GALNT2: variants seen among roughly 807,000 people sequenced by gnomAD.
The protein encoded by GALNT2 is polypeptide N-acetylgalactosaminyltransferase 2.
A neutral mutation model predicts 81.4 loss-of-function variants in GALNT2; 31 were observed. That is an observed-to-expected ratio of 0.38 (90% CI 0.29 to 0.51). The LOEUF is 0.51. Among genes scored for constraint, GALNT2 ranks in the 20% least tolerant of loss-of-function variants. The probability of loss-of-function intolerance (pLI) is 0.87; values close to 1 mark genes in which losing one functional copy is unlikely to be tolerated. For missense variants in GALNT2, 629 were observed against 765.7 expected (o/e 0.82, Z 2.11); for synonymous variants, 303 against 287.4 (o/e 1.05, Z -0.55).
At chr1:230,101,683 G>A (rs1361002910) in intron 1 of GALNT2, among the ~76,000 whole-genome samples, 1 of 152,240 alleles carries the variant, frequency 6.6e-6, no homozygotes, top group Non-Finnish European at 1.5e-5. Context: ...GAGGAAAAAT[G>A]TATCTTAAGT....
At chr1:230,081,636 G>A (rs1238086166) in intron 1 of GALNT2, among the ~76,000 whole-genome samples, 1 of 152,216 alleles carries the variant, frequency 6.6e-6, no homozygotes, top group East Asian at 1.9e-4. Flanking sequence ...CCCCCTGTGA[G>A]GGCTGAGGAC....
intron 1 of GALNT2, among the ~76,000 whole-genome samples, chr1:230,108,106 G>A (rs1415973260): frequency 6.6e-6 from 1 of 152,238 alleles, no homozygotes; most frequent in Non-Finnish European, 1.5e-5. Context: ...CACAGAAGGA[G>A]AAGGCAGGCT....
intron 2 of GALNT2, 68 bp from the exon 3 acceptor site, chr1:230,203,069 T>C: frequency 6.6e-7 from 1 of 1,514,886 alleles, no homozygotes; most frequent in Non-Finnish European, 9.0e-7. Context: ...TAACACTTAC[T>C]GCAGTCTCTG....
rs148502324 is a variant in GALNT2 at position 230,153,163 on chromosome 1, A to C, written c.127-25055A>C. Among the ~76,000 whole-genome samples the C allele has an allele frequency of 2.2e-3, 330 of 152,336 alleles. 5 individuals are homozygous for C. The highest frequency in any genetic ancestry group is 6.6e-3 in the African/African-American group (275 of 41,582). On this transcript the variant is annotated intron_variant, in intron 1 of 15. Transcript: ENST00000366672. ...ACTGTAATCTCAAACTCTTGTGCTC[A>C]AGCGATCTTCTTATCTCAGTCTGTG...
intron 1 of GALNT2, among the ~76,000 whole-genome samples, chr1:230,141,218 G>A (rs1558105400): frequency 2.0e-5 from 3 of 152,206 alleles, no homozygotes; most frequent in African/African-American, 4.8e-5. Context: ...GCTGAAAGGA[G>A]AGATCCTGCC....
At chr1:230,265,201 C>A in intron 13 of GALNT2, 40 bp from the exon 14 acceptor site, 1 of 1,613,464 alleles carries the variant, frequency 6.2e-7, no homozygotes, top group South Asian at 1.1e-5. Context: ...AGCTGGTGGT[C>A]ATGTGCAGTG....
rs573742231 is a variant in GALNT2, at chr1:230,156,141, T to C, written c.127-22077T>C. Reference sequence around the variant, plus strand: ...TGGAATACCACGTAGACCTGGCCTCTGGGTGGTGATGACCTTCTGGGGTTG... The same window carrying C: ...TGGAATACCACGTAGACCTGGCCTCCGGGTGGTGATGACCTTCTGGGGTTG... On this transcript the variant is annotated intron_variant, in intron 1 of 15. Transcript: ENST00000366672. Among the ~76,000 whole-genome samples the C allele has an allele frequency of 2.6e-5, 4 of 151,996 alleles. No individual in the cohort carries two copies. In the East Asian group the frequency reaches 7.8e-4, roughly 29 times the overall value.
chr1:230,131,356 C>T (rs1661361858), intron 1 of GALNT2, among the ~76,000 whole-genome samples: 1 of 152,212 alleles, frequency 6.6e-6, no homozygotes, highest in Non-Finnish European at 1.5e-5. Context: ...AATTCCTAGA[C>T]AAAGCTTTGC....
At chr1:230,067,510 C>A in intron 1 of GALNT2, 104 bp downstream of exon 1, 1 of 378,326 alleles carries the variant, frequency 2.6e-6, no homozygotes, top group Non-Finnish European at 4.2e-6. Context: ...TCCGCCCGGA[C>A]CTCCGCTCGC....
intron 2 of GALNT2, among the ~76,000 whole-genome samples, chr1:230,196,772 T>C (rs2102701459): frequency 6.6e-6 from 1 of 152,168 alleles, no homozygotes; most frequent in Middle Eastern, 3.4e-3. Flanking sequence ...CCAGAGGCTT[T>C]GTGGCCCTCA....
intron 1 of GALNT2, among the ~76,000 whole-genome samples, chr1:230,153,278 G>A (rs953556533): frequency 2.0e-5 from 3 of 152,078 alleles, no homozygotes; most frequent in African/African-American, 7.2e-5. Context: ...AAAATGAATA[G>A]GCCCATTGCC....
chr1:230,266,803 T>G (rs1666048331), intron 14 of GALNT2, among the ~76,000 whole-genome samples: 1 of 152,122 alleles, frequency 6.6e-6, no homozygotes, highest in African/African-American at 2.4e-5. Context: ...GTTGATGAGT[T>G]AGAAAATGAG....
At chr1:230,255,079 AGAT>A (rs1393693420) in intron 10 of GALNT2, 136 bp from the exon 11 acceptor site, 2 of 1,204,902 alleles carry the variant, frequency 1.7e-6, no homozygotes, top group Non-Finnish European at 2.4e-6. Context: ...GGTCCTTATC[AGAT>A]CTCCTTCAGC....
chr1:230,189,659 G>A (rs1249925660), intron 2 of GALNT2, among the ~76,000 whole-genome samples: 1 of 152,210 alleles, frequency 6.6e-6, no homozygotes, highest in Non-Finnish European at 1.5e-5. Flanking sequence ...TAAAAGATGC[G>A]TAACACTAAA....
chr1:230,068,076 G>GC (rs1659256723), intron 1 of GALNT2, among the ~76,000 whole-genome samples: 1 of 152,198 alleles, frequency 6.6e-6, no homozygotes, highest in South Asian at 2.1e-4. Flanking sequence ...GCCCAACCCG[G>GC]CCCCCGGCCC....
chr1:230,065,054 T>A (rs1197430993), upstream of GALNT2, among the ~76,000 whole-genome samples: 1 of 152,236 alleles, frequency 6.6e-6, no homozygotes, highest in Non-Finnish European at 1.5e-5. Context: ...TCCTGGATTA[T>A]TTTCTGGGGT....
At position 230,200,650 on chromosome 1, in the gene GALNT2, G is replaced by A. The variant is rs548477210; in HGVS notation, c.221-2487G>A. On this transcript the variant is annotated intron_variant, in intron 2 of 15. Coordinates refer to ENST00000366672, the MANE Select transcript of GALNT2 (RefSeq NM_004481.5). ...TGGAAATGGGATTGAAGCTTCTAGA[G>A]CTGTGCAGAGGCCTTATCCCATGGC... Among the ~76,000 whole-genome samples, 9 of 152,340 alleles carry A rather than the reference G, an allele frequency of 5.9e-5. No individual in the cohort carries two copies. The South Asian group carries it at 1.9e-3, about 32-fold the overall frequency.
At chr1:230,226,056 G>C (rs1463860296) in intron 3 of GALNT2, among the ~76,000 whole-genome samples, 1 of 152,226 alleles carries the variant, frequency 6.6e-6, no homozygotes, top group Non-Finnish European at 1.5e-5. Flanking sequence ...CCTTACCGCA[G>C]AAGCAAATCA....
At chr1:230,138,783 C>A (rs73109850) in intron 1 of GALNT2, among the ~76,000 whole-genome samples, 1 of 152,090 alleles carries the variant, frequency 6.6e-6, no homozygotes, top group African/African-American at 2.4e-5. Flanking sequence ...CTGATGGGAG[C>A]GTCTTTTAGC....
Sources: gnomAD v4.1 joint callset for allele counts (sites outside exome capture counted in the v4.1 genomes callset) on GRCh38, gnomAD v4.1.1 for gene constraint, MANE v1.5 for transcripts, NCBI Gene and HGNC (gene_info 2026-07-23, HGNC 2026-07-21) for gene names.